COG5: variants seen among roughly 807,000 people sequenced by gnomAD.
The protein encoded by COG5 is conserved oligomeric Golgi complex subunit 5.
Under a neutral mutation model 110.4 loss-of-function variants are expected in COG5, and 86 were observed. That is an observed-to-expected ratio of 0.78 (90% CI 0.65 to 0.93). The LOEUF is 0.93. Among genes scored for constraint, COG5 ranks in the 40% least tolerant of loss-of-function variants. The pLI, the probability that COG5 is intolerant of heterozygous loss-of-function variation, is 0.00. For missense variants in COG5, 1,077 were observed against 987.0 expected (o/e 1.09, Z -1.22); for synonymous variants, 360 against 334.6 (o/e 1.08, Z -0.83).
intron 6 of COG5, among the ~76,000 whole-genome samples, chr7:107,437,527 G>A (rs191996947): frequency 9.1e-4 from 138 of 152,212 alleles, no homozygotes; most frequent in African/African-American, 3.2e-3. Context: ...TGTGTGACAG[G>A]TGCTCTTTCA....
intron 12 of COG5, among the ~76,000 whole-genome samples, chr7:107,289,378 A>C (rs1487728989): frequency 2.0e-5 from 3 of 152,146 alleles, no homozygotes; most frequent in African/African-American, 7.2e-5. Context: ...TGTGCCAGGC[A>C]GTACTATACC....
At chr7:107,212,103 T>C (rs527637671) in intron 19 of COG5, among the ~76,000 whole-genome samples, 42 of 152,334 alleles carry the variant, frequency 2.8e-4, no homozygotes, top group African/African-American at 9.9e-4. Flanking sequence ...TTCTTCCCTA[T>C]ACTAATGATA....
At chr7:107,527,894 G>C (rs1293410338) in intron 5 of COG5, among the ~76,000 whole-genome samples, 1 of 152,036 alleles carries the variant, frequency 6.6e-6, no homozygotes, top group Non-Finnish European at 1.5e-5. Context: ...CATTTCTATG[G>C]GTTAGAACCA....
chr7:107,321,520 T>C (rs1809279275), intron 11 of COG5, among the ~76,000 whole-genome samples: 1 of 152,164 alleles, frequency 6.6e-6, no homozygotes, highest in Non-Finnish European at 1.5e-5. Context: ...AAGAACAAAA[T>C]AGGAGGACTT....
intron 6 of COG5, among the ~76,000 whole-genome samples, chr7:107,432,786 T>A (rs976966955): frequency 1.3e-5 from 2 of 152,048 alleles, no homozygotes; most frequent in African/African-American, 2.4e-5. Context: ...CTACAAAAAA[T>A]TTTCTATTTT....
intron 14 of COG5, among the ~76,000 whole-genome samples, chr7:107,272,965 A>T (rs914037089): frequency 6.6e-6 from 1 of 152,182 alleles, no homozygotes; most frequent in African/African-American, 2.4e-5. Context: ...ACTCAAATGC[A>T]GAGTTTTAGT....
At chr7:107,505,722 G>A (rs777475053) in intron 6 of COG5, among the ~76,000 whole-genome samples, 3 of 152,232 alleles carry the variant, frequency 2.0e-5, no homozygotes, top group Non-Finnish European at 2.9e-5. Flanking sequence ...CCAGTGGAAA[G>A]ATCTGGGACT....
intron 6 of COG5, among the ~76,000 whole-genome samples, chr7:107,419,320 A>T (rs1164652990): frequency 6.6e-6 from 1 of 152,098 alleles, no homozygotes; most frequent in East Asian, 1.9e-4. Flanking sequence ...GAAAAATTAT[A>T]AATAAAAGCT....
chr7:107,220,720 C>G (rs1799852933), intron 19 of COG5, among the ~76,000 whole-genome samples: 1 of 152,108 alleles, frequency 6.6e-6, no homozygotes, highest in Admixed American at 6.5e-5. Context: ...TAAGAAGTCC[C>G]TCCACCGGGT....
At chr7:107,321,125 C>G (rs1584674350) in intron 11 of COG5, among the ~76,000 whole-genome samples, 1 of 152,026 alleles carries the variant, frequency 6.6e-6, no homozygotes, top group African/African-American at 2.4e-5. Flanking sequence ...CTGGCAAAGT[C>G]AGAGGACACA....
At chr7:107,287,939 C>A (rs771104240) in intron 12 of COG5, among the ~76,000 whole-genome samples, 41 of 152,134 alleles carry the variant, frequency 2.7e-4, no homozygotes, top group Admixed American at 1.8e-3. Flanking sequence ...TTGGTTGTTT[C>A]CATCTTTTGG....
At chr7:107,276,169 C>T (rs1398239678) in intron 14 of COG5, among the ~76,000 whole-genome samples, 5 of 152,112 alleles carry the variant, frequency 3.3e-5, no homozygotes. Context: ...ATTCTAGATG[C>T]CATTCCCTGG....
chr7:107,558,078 T>C lies in COG5; in HGVS notation c.132A>G (p.Val44=). 1.2e-6 allele frequency: 2 copies of C among 1,613,978 alleles called. No individual in the cohort carries two copies. ...GAATAGATTGAGAAGTATAAGTCTTTACATCAAAGTCTTCGTTTAAAAAGT... is the reference window on the plus strand; with the variant it reads ...GAATAGATTGAGAAGTATAAGTCTTCACATCAAAGTCTTCGTTTAAAAAGT... The part of the protein sequence containing the change: ...YSDFLNEDFD[V]KTYTSQSIHQ... Residue 44 remains valine, a synonymous_variant, in exon 2 of 22, where the codon GTA becomes GTG. Coordinates refer to ENST00000297135, the MANE Select transcript of COG5 (RefSeq NM_006348.5).
At chr7:107,270,458 C>T (rs1319302576) in intron 14 of COG5, among the ~76,000 whole-genome samples, 1 of 152,044 alleles carries the variant, frequency 6.6e-6, no homozygotes, top group Non-Finnish European at 1.5e-5. Flanking sequence ...GATGGGGTTT[C>T]GCATGTTGCC....
chr7:107,453,593 G>A (rs1188133994), intron 6 of COG5, among the ~76,000 whole-genome samples: 4 of 152,116 alleles, frequency 2.6e-5, no homozygotes, highest in Non-Finnish European at 4.4e-5. Flanking sequence ...ATTTCCCTCA[G>A]ATTACATCAG....
intron 10 of COG5, among the ~76,000 whole-genome samples, chr7:107,352,414 C>G (rs1812237433): frequency 1.4e-5 from 2 of 145,916 alleles, no homozygotes; most frequent in South Asian, 4.4e-4. Context: ...ACATATGGAA[C>G]AAACCTGCAC....
intron 6 of COG5, among the ~76,000 whole-genome samples, chr7:107,420,978 A>G (rs1793246527): frequency 6.6e-6 from 1 of 152,166 alleles, no homozygotes; most frequent in African/African-American, 2.4e-5. Flanking sequence ...GGGGGAAGGA[A>G]AATACCTTAC....
chr7:107,525,905 T>C (rs1184093208), intron 6 of COG5, among the ~76,000 whole-genome samples: 1 of 152,184 alleles, frequency 6.6e-6, no homozygotes, highest in African/African-American at 2.4e-5. Flanking sequence ...ACTTTTTATA[T>C]GACATTTTCC....
At chr7:107,556,552 A>G (rs1009053407) in intron 2 of COG5, among the ~76,000 whole-genome samples, 21 of 152,256 alleles carry the variant, frequency 1.4e-4, no homozygotes, top group African/African-American at 5.1e-4. Flanking sequence ...TTCTTGCAAA[A>G]AGCCACCCCC....
Sources: allele counts gnomAD v4.1 joint callset (sites outside exome capture counted in the v4.1 genomes callset), GRCh38; gene constraint gnomAD v4.1.1; transcripts MANE v1.5; gene names NCBI Gene and HGNC (gene_info 2026-07-23, HGNC 2026-07-21).